BDKRB1: variants seen among roughly 807,000 people sequenced by gnomAD.
BDKRB1 encodes the protein B1 bradykinin receptor.
For missense variants in BDKRB1, 414 were observed against 441.4 expected (o/e 0.94, Z 0.56); for synonymous variants, 192 against 189.1 (o/e 1.02, Z -0.13).
intron 1 of BDKRB1, among the ~76,000 whole-genome samples, chr14:96,257,082 T>G (rs577143570): frequency 1.3e-5 from 2 of 152,194 alleles, no homozygotes; most frequent in Non-Finnish European, 2.9e-5. Context: ...CAAAGGAAGA[T>G]TTCTCCTCTC....
Position 96,263,732 on chromosome 14 carries a change from A to C in BDKRB1, c.50A>C (p.Gln17Pro). Residue 17 changes from glutamine to proline, a missense_variant, in exon 3 of 3, where the codon CAG becomes CCG. Coordinates refer to ENST00000216629, the MANE Select transcript of BDKRB1 (RefSeq NM_000710.4). ...PLELQSSNQS[Q>P]LFPQNATACD... is the part of the protein sequence containing the mutation. ...GAGCTCCAATCCTCCAACCAGAGCC[A>C]GCTCTTCCCTCAAAATGCTACGGCC... is the stretch of plus-strand genomic sequence containing the variant. 1 of 1,614,210 alleles carries C rather than the reference A, an allele frequency of 6.2e-7. No individual in the cohort carries two copies. The highest frequency in any genetic ancestry group is 1.1e-5 in the South Asian group (1 of 91,082).
intron 2 of BDKRB1, among the ~76,000 whole-genome samples, 156 bp from the exon 3 acceptor site, chr14:96,263,517 C>G (rs559905516): frequency 6.6e-6 from 1 of 152,320 alleles, no homozygotes; most frequent in South Asian, 2.1e-4. Context: ...TCGACTCCCC[C>G]TTGTAGCATG....
intron 1 of BDKRB1, among the ~76,000 whole-genome samples, chr14:96,256,542 T>C (rs1196868031): frequency 6.6e-6 from 1 of 152,174 alleles, no homozygotes; most frequent in East Asian, 1.9e-4. Flanking sequence ...TTAGAACTCG[T>C]AGGAAGGTTC....
Position 96,264,360 on chromosome 14 carries a change from G to A in BDKRB1, c.678G>A (p.Leu226=). Residue 226 remains leucine, a synonymous_variant, in exon 3 of 3, where the codon CTG becomes CTA. Coordinates refer to ENST00000216629, the MANE Select transcript of BDKRB1 (RefSeq NM_000710.4). ...TCGTCTTCTTCAACTACCACATCCT[G>A]GCCTCCCTGCGAACGCGGGAGGAGG... ...AAIVFFNYHI[L]ASLRTREEVS... The A allele has an allele frequency of 6.2e-7, 1 of 1,614,158 alleles. No individual in the cohort carries two copies. Among genetic ancestry groups the A allele is most frequent in the African/African-American group, 1.3e-5 (1 of 75,032 alleles).
intron 1 of BDKRB1, among the ~76,000 whole-genome samples, chr14:96,261,340 G>A (rs1595275090): frequency 6.6e-6 from 1 of 152,360 alleles, no homozygotes; most frequent in East Asian, 1.9e-4. Context: ...ACCTAGAACA[G>A]TGCCTGGCAC....
At chr14:96,260,553 C>CT (rs543945125) in intron 1 of BDKRB1, among the ~76,000 whole-genome samples, 92 of 152,278 alleles carry the variant, frequency 6.0e-4, no homozygotes, top group African/African-American at 2.1e-3. Flanking sequence ...ATTTCAAATT[C>CT]TTTAAGTATT....
chr14:96,257,228 T>C (rs1885636778), intron 1 of BDKRB1, among the ~76,000 whole-genome samples: 1 of 152,214 alleles, frequency 6.6e-6, no homozygotes, highest in Non-Finnish European at 1.5e-5. Flanking sequence ...CGGTGTCCAC[T>C]GACCTAATCA....
intron 1 of BDKRB1, among the ~76,000 whole-genome samples, chr14:96,261,151 T>G (rs1885740361): frequency 6.6e-6 from 1 of 152,032 alleles, no homozygotes; most frequent in Non-Finnish European, 1.5e-5. Flanking sequence ...CCAAAACACC[T>G]CTAGAGTTTG....
intron 1 of BDKRB1, among the ~76,000 whole-genome samples, chr14:96,261,751 A>G (rs1885754386): frequency 6.6e-6 from 1 of 152,234 alleles, no homozygotes; most frequent in Admixed American, 6.5e-5. Flanking sequence ...CAAGCTGGGG[A>G]AGAATGTTTA....
At chr14:96,262,111 C>T (rs1229404253) in intron 1 of BDKRB1, among the ~76,000 whole-genome samples, 1 of 150,868 alleles carries the variant, frequency 6.6e-6, no homozygotes, top group Admixed American at 6.6e-5. Context: ...CTCCAGCAAG[C>T]GTGGGAGGCC....
chr14:96,262,281 G>T (rs1566702994), intron 1 of BDKRB1, among the ~76,000 whole-genome samples: 1 of 152,228 alleles, frequency 6.6e-6, no homozygotes, highest in Non-Finnish European at 1.5e-5. Flanking sequence ...CAGCAGAAGA[G>T]AGCAGACAGA....
chr14:96,256,476 C>T (rs1313249418), intron 1 of BDKRB1, among the ~76,000 whole-genome samples, 176 bp downstream of exon 1: 1 of 152,144 alleles, frequency 6.6e-6, no homozygotes, highest in Non-Finnish European at 1.5e-5. Context: ...ACTTTTATTT[C>T]ATGCCTAGTT....
intron 1 of BDKRB1, among the ~76,000 whole-genome samples, chr14:96,257,981 GAGGGAAGGAGAGAAGGAGGGAATGA>G (rs1885657949): frequency 6.6e-6 from 1 of 150,462 alleles, no homozygotes; most frequent in African/African-American, 2.5e-5. Flanking sequence ...GGAGGGTAGG[GAGGGAAGGAGAGAAGGAGGGAATGA>G]AGGGAAGGAA....
Position 96,264,104 on chromosome 14 carries a change from A to C in BDKRB1, c.422A>C (p.His141Pro). 4.4e-6 allele frequency: 7 copies of C among 1,599,968 alleles called. No homozygotes were observed. Among genetic ancestry groups the C allele is most frequent in the Non-Finnish European group, 6.0e-6 (7 of 1,173,040 alleles). ...ISQDRYRVLV[H>P]PMASRRQQRR... ...CAGGACCGCTACCGCGTGCTGGTGC[A>C]CCCTATGGCCAGCCGGAGGCAGCAG... The change falls in exon 3 of 3, where the codon CAC becomes CCC. Residue 141 changes from histidine to proline, a missense_variant. By Grantham distance (77) the His-to-Pro change is moderately conservative. Coordinates refer to ENST00000216629, the MANE Select transcript of BDKRB1 (RefSeq NM_000710.4).
chr14:96,257,943 TGGAG>T (rs1885655982), intron 1 of BDKRB1, among the ~76,000 whole-genome samples: 2 of 104,514 alleles, frequency 1.9e-5, no homozygotes, highest in Non-Finnish European at 3.8e-5. Flanking sequence ...AAGGGAGGGA[TGGAG>T]GAAGGAAGGA....
Position 96,264,679 on chromosome 14 carries a change from A to G in BDKRB1, c.997A>G (p.Lys333Glu), listed in dbSNP as rs147132377. 2.0e-5 allele frequency: 33 copies of G among 1,614,154 alleles called. No homozygotes were observed. Among genetic ancestry groups the G allele is most frequent in the Non-Finnish European group, 2.8e-5 (33 of 1,180,038 alleles). Reference sequence around the variant, plus strand: ...GGAACTTTATAAACAATGCACCCCTAAAAGTCTTGCTCCAATATCTTCATC... The same window carrying G: ...GGAACTTTATAAACAATGCACCCCTGAAAGTCTTGCTCCAATATCTTCATC... ...VWELYKQCTP[K>E]SLAPISSSHR... is the part of the protein sequence containing the mutation. Residue 333 changes from lysine to glutamate, a missense_variant, in exon 3 of 3, where the codon AAA becomes GAA. Physicochemically the swap from Lys to Glu is moderately conservative, Grantham distance 56. Transcript: ENST00000216629.
Position 96,263,708 on chromosome 14 carries a change from A to C in BDKRB1, c.26A>C (p.Glu9Ala), listed in dbSNP as rs762659699. ...ATGGCATCATCCTGGCCCCCTCTAG[A>C]GCTCCAATCCTCCAACCAGAGCCAG... MASSWPPLELQSSNQSQLF... is the reference protein window; with the variant it reads MASSWPPLALQSSNQSQLF... The change falls in exon 3 of 3, where the codon GAG becomes GCG. Residue 9 changes from glutamate (E) to alanine (A), a missense_variant. Coordinates refer to ENST00000216629, the MANE Select transcript of BDKRB1 (RefSeq NM_000710.4). 2 of 1,613,820 alleles carry C rather than the reference A, an allele frequency of 1.2e-6. No homozygotes were observed. Among genetic ancestry groups the C allele is most frequent in the Non-Finnish European group, 1.7e-6 (2 of 1,179,878 alleles).
intron 1 of BDKRB1, 28 bp from the exon 2 acceptor site, chr14:96,262,624 T>TG (rs747307554): frequency 7.5e-5 from 13 of 174,232 alleles, no homozygotes; most frequent in South Asian, 1.4e-4. Flanking sequence ...TTTTTTTTTT[T>TG]TTGTTGTTGT....
chr14:96,264,154 T>A lies in BDKRB1; in HGVS notation c.472T>A (p.Cys158Ser). The A allele has an allele frequency of 6.2e-7, 1 of 1,600,952 alleles. No homozygotes were observed. The highest frequency in any genetic ancestry group is 8.5e-7 in the Non-Finnish European group (1 of 1,172,788). The change falls in exon 3 of 3, where the codon TGC becomes AGC. Residue 158 changes from cysteine to serine, a missense_variant. Coordinates refer to ENST00000216629, the MANE Select transcript of BDKRB1 (RefSeq NM_000710.4). Reference sequence around the variant, plus strand: ...GCGGCGGAGGCAGGCCCGGGTCACCTGCGTGCTCATCTGGGTTGTGGGGGG... The same window carrying A: ...GCGGCGGAGGCAGGCCCGGGTCACCAGCGTGCTCATCTGGGTTGTGGGGGG... ...QQRRRQARVT[C>S]VLIWVVGGLL...
Sources: gnomAD v4.1 joint callset for allele counts (sites outside exome capture counted in the v4.1 genomes callset) on GRCh38, gnomAD v4.1.1 for gene constraint, MANE v1.5 for transcripts, NCBI Gene and HGNC (gene_info 2026-07-23, HGNC 2026-07-21) for gene names.